The following LGR6 variants were observed in gnomAD, a reference collection of about 807,000 sequenced individuals.
LGR6 encodes the protein leucine rich repeat containing G protein-coupled receptor 6, also known as leucine-rich repeat-containing G protein-coupled receptor 6.
LGR6 carries 45 observed loss-of-function variants against 69.4 expected under a neutral mutation model. That is an observed-to-expected ratio of 0.65 (90% confidence interval 0.51 to 0.83). The LOEUF (loss-of-function observed/expected upper bound fraction) is 0.83, where lower values mean the gene tolerates loss of function less well. Among genes scored for constraint, LGR6 ranks in the 40% least tolerant of loss-of-function variants. LGR6 has a pLI of 0.00. For missense variants in LGR6, 1,108 were observed against 1,246.7 expected, an observed-to-expected ratio of 0.89 and a Z score of 1.68; for synonymous variants, 538 against 555.0, an observed-to-expected ratio of 0.97 and a Z score of 0.43.
chr1:202,282,550 T>C (rs1558060659), intron 6 of LGR6, among the ~76,000 whole-genome samples: 1 of 152,096 alleles, frequency 6.6e-6, no homozygotes, highest in Non-Finnish European at 1.5e-5. Context: ...CCTCAGGAGA[T>C]ATAAGAGCTT....
chr1:202,199,349 G>T (rs1658753232), intron 1 of LGR6, among the ~76,000 whole-genome samples: 1 of 152,306 alleles, frequency 6.6e-6, no homozygotes, highest in Non-Finnish European at 1.5e-5. Context: ...GAGCCTAGTA[G>T]GGTGGGCCCA....
In LGR6 at chr1:202,249,543, C is replaced by T. The variant is rs190760403; in HGVS notation, c.428+13550C>T. Among the ~76,000 whole-genome samples the T allele has an allele frequency of 2.9e-4, 44 of 152,324 alleles. 1 individual carries two copies. In the East Asian group the frequency reaches 8.3e-3, roughly 29 times the overall value. ...ACAATGAACGGCCTATTGGAATCTCCACTTGCATGACTCACGGGGCTTCAA... is the reference window on the plus strand; with the variant it reads ...ACAATGAACGGCCTATTGGAATCTCTACTTGCATGACTCACGGGGCTTCAA... On this transcript the variant is annotated intron_variant, in intron 4 of 17. Transcript: ENST00000367278.
intron 1 of LGR6, among the ~76,000 whole-genome samples, chr1:202,206,974 A>G (rs1245166218): frequency 6.6e-6 from 1 of 151,506 alleles, no homozygotes; most frequent in East Asian, 1.9e-4. Flanking sequence ...CTGGAGTGCA[A>G]TGGCGCTATC....
At chr1:202,308,189 G>A (rs765171210) in intron 14 of LGR6, among the ~76,000 whole-genome samples, 1 of 152,192 alleles carries the variant, frequency 6.6e-6, no homozygotes, top group Non-Finnish European at 1.5e-5. Context: ...AAAGCCAAGG[G>A]CCAGGACTCC....
rs549896817 is a variant in LGR6 at position 202,239,018 on chromosome 1, G to A, written c.428+3025G>A. ...CAAAATGGCGTCAGCCCCAAGTGAG[G>A]ACGGGGCAGGGGTTTTATTGTCTCC... On this transcript the variant is annotated intron_variant, in intron 4 of 17. Transcript: ENST00000367278. Among the ~76,000 whole-genome samples the A allele has an allele frequency of 1.8e-4, 27 of 152,282 alleles. No individual in the cohort carries two copies. In the South Asian group the frequency reaches 5.0e-3, roughly 28 times the overall value.
chr1:202,307,483 C>T, intron 14 of LGR6, 82 bp downstream of exon 14: 2 of 1,176,662 alleles, frequency 1.7e-6, no homozygotes. Context: ...GAAGGGCCAC[C>T]CCAGAGCAGG....
In LGR6 at chr1:202,300,889, G is replaced by A; in HGVS notation, c.826G>A (p.Ala276Thr). The stretch of plus-strand genomic sequence containing the variant: ...CAACATCAAGGCCATCCCAGAAAAG[G>A]CCTTCATGGGGAACCCTCTGCTACA... ...NNNIKAIPEK[A>T]FMGNPLLQTI... Residue 276 changes from alanine to threonine, a missense_variant, in exon 8 of 18, where the codon GCC (alanine) becomes ACC (threonine). Transcript: ENST00000367278. 1 of 1,612,536 alleles carries A rather than the reference G, an allele frequency of 6.2e-7. No individual in the cohort carries two copies. Among genetic ancestry groups the A allele is most frequent in the South Asian group, 1.1e-5 (1 of 90,754 alleles).
chr1:202,315,859 A>G (rs1654103096), intron 17 of LGR6, among the ~76,000 whole-genome samples: 1 of 152,330 alleles, frequency 6.6e-6, no homozygotes, highest in East Asian at 1.9e-4. Context: ...TTGGAAAAAC[A>G]CACATGCTGC....
chr1:202,291,231 C>G lies in LGR6; in HGVS notation c.717-6277C>G, dbSNP rs192587696. 5.4e-4 allele frequency among the ~76,000 whole-genome samples: 82 copies of G among 152,312 alleles called. 2 individuals carry two copies. In the East Asian group the frequency reaches 0.013, roughly 25 times the overall value. ...TTTCTCTTTAACTTCAGTCCTTCCC[C>G]CTCTGCTTCTAGCTCCCGGGAGCAG... On this transcript the variant is annotated intron_variant, in intron 6 of 17. Coordinates refer to ENST00000367278, the MANE Select transcript of LGR6 (RefSeq NM_001017403.2).
chr1:202,261,946 G>C (rs1474930984), intron 4 of LGR6, among the ~76,000 whole-genome samples: 1 of 152,076 alleles, frequency 6.6e-6, no homozygotes, highest in African/African-American at 2.4e-5. Flanking sequence ...TTTTTTTCTT[G>C]TAAATTTGTT....
chr1:202,225,401 T>C, intron 1 of LGR6, 22 bp from the exon 2 acceptor site: 1 of 1,612,132 alleles, frequency 6.2e-7, no homozygotes, highest in South Asian at 1.1e-5. Context: ...CACAGCTCCT[T>C]TTTCCATCTT....
intron 1 of LGR6, among the ~76,000 whole-genome samples, chr1:202,204,163 T>A (rs1378407398): frequency 6.6e-6 from 1 of 151,474 alleles, no homozygotes; most frequent in Non-Finnish European, 1.5e-5. Flanking sequence ...AGGCAGGATC[T>A]GTGCTCGTGG....
In LGR6 at chr1:202,250,399, T is replaced by G. The variant is rs1264562999; in HGVS notation, c.428+14406T>G. On this transcript the variant is annotated intron_variant, in intron 4 of 17. Transcript: ENST00000367278. ...TTTAATTTATTTTTTATTTTTATTA[T>G]TTATTATTATTATTATTATTTTTTG... Among the ~76,000 whole-genome samples the G allele has an allele frequency of 2.0e-5, 3 of 150,826 alleles. No individual in the cohort carries two copies. The East Asian group carries it at 5.8e-4, about 29-fold the overall frequency.
intron 4 of LGR6, among the ~76,000 whole-genome samples, chr1:202,255,177 G>GA (rs1663660017): frequency 6.6e-6 from 1 of 152,192 alleles, no homozygotes; most frequent in Non-Finnish European, 1.5e-5. Flanking sequence ...ACAGGCAAGG[G>GA]AGGTTCACCA....
intron 16 of LGR6, 147 bp downstream of exon 16, chr1:202,310,504 A>G: frequency 1.4e-6 from 1 of 725,620 alleles, no homozygotes; most frequent in Non-Finnish European, 2.2e-6. Context: ...GTGACCTGGG[A>G]GGAAACTCTA....
At chr1:202,245,492 C>T (rs1389766430) in intron 4 of LGR6, among the ~76,000 whole-genome samples, 1 of 152,130 alleles carries the variant, frequency 6.6e-6, no homozygotes, top group Non-Finnish European at 1.5e-5. Context: ...AGTGCGGGAA[C>T]ACCTCAGCTC....
intron 4 of LGR6, among the ~76,000 whole-genome samples, chr1:202,248,395 G>A (rs1017338713): frequency 6.6e-6 from 1 of 152,244 alleles, no homozygotes; most frequent in Non-Finnish European, 1.5e-5. Flanking sequence ...ATGAGCCTCT[G>A]TGACCACTGC....
At chr1:202,297,154 G>A (rs1320343907) in intron 6 of LGR6, among the ~76,000 whole-genome samples, 1 of 152,100 alleles carries the variant, frequency 6.6e-6, no homozygotes, top group African/African-American at 2.4e-5. Flanking sequence ...AGATGTTAAC[G>A]ATCACCCACT....
intron 7 of LGR6, among the ~76,000 whole-genome samples, chr1:202,299,749 A>G (rs1023909985): frequency 1.3e-5 from 2 of 152,194 alleles, no homozygotes; most frequent in African/African-American, 4.8e-5. Flanking sequence ...GGTGGAAGTC[A>G]CGATGGGGAT....
Sources: allele counts gnomAD v4.1 joint callset (sites outside exome capture counted in the v4.1 genomes callset), GRCh38; gene constraint gnomAD v4.1.1; transcripts MANE v1.5; gene names NCBI Gene and HGNC (gene_info 2026-07-23, HGNC 2026-07-21).